BPIFB2: variants seen among roughly 807,000 people sequenced by gnomAD.
BPIFB2 encodes the protein BPI fold-containing family B member 2.
BPIFB2 carries 39 observed loss-of-function variants against 50.1 expected under a neutral mutation model. The ratio of observed to expected loss-of-function variants is 0.78; its 90% CI spans 0.60 to 1.02. The LOEUF is 1.02. Ranked by LOEUF, BPIFB2 falls within the 50% of genes least tolerant of loss-of-function variation. The pLI is 0.00. For missense variants in BPIFB2, 574 were observed against 585.8 expected, an observed-to-expected ratio of 0.98 and a Z score of 0.21; for synonymous variants, 280 against 256.3, an observed-to-expected ratio of 1.09 and a Z score of -0.88.
chr20:33,014,872 C>A (rs1233460432), intron 5 of BPIFB2, among the ~76,000 whole-genome samples: 2 of 152,242 alleles, frequency 1.3e-5, no homozygotes. Flanking sequence ...GCTTTGGGAA[C>A]ACAGAGGCCA....
intron 6 of BPIFB2, 114 bp downstream of exon 6, chr20:33,015,610 A>G: frequency 1.0e-6 from 1 of 985,092 alleles, no homozygotes. Flanking sequence ...AAAAAAAAAA[A>G]AAAGACGCCC....
chr20:33,020,037 G>A (rs743171), intron 11 of BPIFB2, among the ~76,000 whole-genome samples: 5,126 of 152,190 alleles, frequency 0.034, 295 homozygotes, highest in African/African-American at 0.12. Context: ...CAGCCTTCTC[G>A]GCACCTCCTC....
chr20:33,023,299 T>C, intron 15 of BPIFB2, 43 bp from the exon 16 acceptor site: 1 of 1,596,596 alleles, frequency 6.3e-7, no homozygotes, highest in Non-Finnish European at 8.6e-7. Context: ...GGGTCCTGCC[T>C]GTGCCTCCTC....
chr20:33,016,454 G>T (rs190683524), intron 6 of BPIFB2, among the ~76,000 whole-genome samples: 76 of 152,064 alleles, frequency 5.0e-4, no homozygotes, highest in Non-Finnish European at 1.0e-3. Context: ...TCTTCCTCTC[G>T]ACCTCGCCCT....
At chr20:33,019,814 C>G in intron 11 of BPIFB2, 64 bp downstream of exon 11, 1 of 1,484,190 alleles carries the variant, frequency 6.7e-7, no homozygotes, top group Non-Finnish European at 9.1e-7. Flanking sequence ...CCCTGCTTCA[C>G]TGTCCCCTCA....
chr20:33,022,857 G>A (rs921846144), intron 15 of BPIFB2, among the ~76,000 whole-genome samples: 8 of 152,202 alleles, frequency 5.3e-5, no homozygotes, highest in African/African-American at 1.2e-4. Context: ...CAGGAACTGG[G>A]TCTGGCTTGT....
intron 11 of BPIFB2, 120 bp downstream of exon 11, chr20:33,019,870 T>G: frequency 1.6e-6 from 2 of 1,264,070 alleles, no homozygotes; most frequent in Non-Finnish European, 2.1e-6. Flanking sequence ...CTTGAATGTG[T>G]CAGGACACTC....
chr20:33,021,364 C>A lies in BPIFB2; in HGVS notation c.1258+20C>A. The A allele has an allele frequency of 6.2e-7, 1 of 1,602,470 alleles. No individual in the cohort carries two copies. The highest frequency in any genetic ancestry group is 8.5e-7 in the Non-Finnish European group (1 of 1,173,938). ...TCAATGGTAAGCCCTGCCCTCCACC[C>A]CAGCAGGGCCCCTCTGGCCCCCTCC... On this transcript the variant is annotated intron_variant, in intron 14 of 15. Coordinates refer to ENST00000170150, the MANE Select transcript of BPIFB2 (RefSeq NM_025227.3).
rs1990279809 is a variant in BPIFB2, at chr20:33,011,075, C to T, written c.161C>T (p.Pro54Leu). 1 of 1,613,980 alleles carries T rather than the reference C, an allele frequency of 6.2e-7. No homozygotes were observed. The highest frequency in any genetic ancestry group is 1.1e-5 in the South Asian group (1 of 91,082). Reference sequence around the variant, plus strand: ...CAGCGGGCCCTGCAGGTCACTGTCCCTCATTTCCTGGACTGGAGTGGAGAG... The same window carrying T: ...CAGCGGGCCCTGCAGGTCACTGTCCTTCATTTCCTGGACTGGAGTGGAGAG... ...PLQRALQVTV[P>L]HFLDWSGEAL... Residue 54 changes from proline (P) to leucine (L), a missense_variant, in exon 3 of 16, where the codon CCT becomes CTT. Pro to Leu is a moderately conservative substitution (Grantham distance 98). Coordinates refer to ENST00000170150, the MANE Select transcript of BPIFB2 (RefSeq NM_025227.3).
At chr20:33,008,855 C>T (rs1990248866) in intron 2 of BPIFB2, among the ~76,000 whole-genome samples, 172 bp downstream of exon 2, 1 of 152,212 alleles carries the variant, frequency 6.6e-6, no homozygotes, top group South Asian at 2.1e-4. Context: ...TCAACAAATG[C>T]TTATTACATA....
At chr20:33,019,543 T>A (rs754845532) in intron 10 of BPIFB2, 37 bp from the exon 11 acceptor site, 1 of 1,544,420 alleles carries the variant, frequency 6.5e-7, no homozygotes, top group Non-Finnish European at 8.7e-7. Flanking sequence ...CGCCAGCCGC[T>A]GCCTCAGCAG....
chr20:33,021,860 G>A, intron 15 of BPIFB2, 61 bp downstream of exon 15: 6 of 1,495,600 alleles, frequency 4.0e-6, no homozygotes, highest in South Asian at 1.1e-5. Context: ...GATTGAGGTG[G>A]GGGTCACCTC....
At chr20:33,019,958 C>G (rs891460922) in intron 11 of BPIFB2, among the ~76,000 whole-genome samples, 5 of 152,228 alleles carry the variant, frequency 3.3e-5, no homozygotes, top group South Asian at 4.1e-4. Flanking sequence ...GCCAGCTCCC[C>G]CTCCTCTTCC....
At chr20:33,011,756 A>G (rs1172454561) in intron 3 of BPIFB2, among the ~76,000 whole-genome samples, 1 of 152,212 alleles carries the variant, frequency 6.6e-6, no homozygotes, top group Non-Finnish European at 1.5e-5. Flanking sequence ...AGGTGGGTGG[A>G]TCACCTGAGA....
chr20:33,018,914 G>T, intron 9 of BPIFB2, 92 bp downstream of exon 9: 1 of 1,567,996 alleles, frequency 6.4e-7, no homozygotes, highest in Non-Finnish European at 8.7e-7. Context: ...ATCATGGGTG[G>T]GTGGGGCCGC....
intron 6 of BPIFB2, among the ~76,000 whole-genome samples, chr20:33,015,986 C>T (rs1429096124): frequency 6.6e-6 from 1 of 152,216 alleles, no homozygotes; most frequent in South Asian, 2.1e-4. Context: ...CAGAAGAGTT[C>T]GGGACAGTGG....
At chr20:33,018,203 G>A (rs996814082) in intron 7 of BPIFB2, 56 bp from the exon 8 acceptor site, 37 of 1,300,884 alleles carry the variant, frequency 2.8e-5, no homozygotes, top group South Asian at 2.5e-4. Flanking sequence ...TAGATGAAAC[G>A]TTGGTGAGCA....
At chr20:33,020,621 G>A (rs376710769) in intron 13 of BPIFB2, 34 bp downstream of exon 13, 56 of 1,572,698 alleles carry the variant, frequency 3.6e-5, no homozygotes, top group African/African-American at 3.0e-4. Context: ...AGAAACCCCC[G>A]TCCTGGGTAG....
intron 13 of BPIFB2, 109 bp downstream of exon 13, chr20:33,020,696 C>T (rs997951512): frequency 2.9e-5 from 37 of 1,294,782 alleles, no homozygotes; most frequent in Middle Eastern, 2.2e-4. Context: ...CCTGTGTGTG[C>T]CACTATAGTC....
Sources: allele counts gnomAD v4.1 joint callset (sites outside exome capture counted in the v4.1 genomes callset), GRCh38; gene constraint gnomAD v4.1.1; transcripts MANE v1.5; gene names NCBI Gene and HGNC (gene_info 2026-07-23, HGNC 2026-07-21).